NSFL1C: variants seen among roughly 807,000 people sequenced by gnomAD.
NSFL1C encodes NSFL1 cofactor, also known as NSFL1 cofactor p47.
In NSFL1C, 14 loss-of-function variants were observed where a neutral mutation model predicts 43.1. The ratio of observed to expected loss-of-function variants is 0.32; its 90% CI spans 0.21 to 0.51. The LOEUF is 0.51. Among genes scored for constraint, NSFL1C ranks in the 20% least tolerant of loss-of-function variants. The pLI, the probability that NSFL1C is intolerant of heterozygous loss-of-function variation, is 0.98. For synonymous variants in NSFL1C, 171 were observed against 183.5 expected (o/e 0.93, Z 0.55); for missense variants, 406 against 472.5 (o/e 0.86, Z 1.30).
intron 7 of NSFL1C, among the ~76,000 whole-genome samples, chr20:1,450,175 T>A (rs971262008): frequency 2.6e-5 from 4 of 152,146 alleles, no homozygotes; most frequent in Non-Finnish European, 5.9e-5. Flanking sequence ...CTGAGAAAAT[T>A]TTCAGGAAAA....
intron 7 of NSFL1C, among the ~76,000 whole-genome samples, chr20:1,446,685 AG>A (rs1263118489): frequency 6.6e-6 from 1 of 150,584 alleles, no homozygotes; most frequent in African/African-American, 2.4e-5. Flanking sequence ...AAATGCACAT[AG>A]GACTCCCAAT....
chr20:1,445,645 A>G (rs1330939728), intron 8 of NSFL1C, 21 bp downstream of exon 8: 2 of 1,611,332 alleles, frequency 1.2e-6, no homozygotes, highest in Non-Finnish European at 8.5e-7. Context: ...AGAATAAGCT[A>G]GGCCACACAA....
chr20:1,446,504 G>A (rs2090062700), intron 7 of NSFL1C, among the ~76,000 whole-genome samples: 2 of 152,168 alleles, frequency 1.3e-5, no homozygotes, highest in Admixed American at 6.5e-5. Context: ...CACAGTGTTA[G>A]ATTTCATATC....
At chr20:1,465,439 G>A (rs886750426) in intron 1 of NSFL1C, among the ~76,000 whole-genome samples, 1 of 152,238 alleles carries the variant, frequency 6.6e-6, no homozygotes, top group African/African-American at 2.4e-5. Flanking sequence ...AGGGGAACGA[G>A]ACAGAAGATC....
intron 8 of NSFL1C, among the ~76,000 whole-genome samples, chr20:1,444,660 CCTGCAGGATT>C (rs993822769): frequency 3.9e-5 from 6 of 152,214 alleles, no homozygotes; most frequent in Non-Finnish European, 4.4e-5. Flanking sequence ...AGGGCATGGA[CCTGCAGGATT>C]CTGCCTGTGA....
At chr20:1,450,027 A>G (rs996158008) in intron 7 of NSFL1C, among the ~76,000 whole-genome samples, 2 of 152,222 alleles carry the variant, frequency 1.3e-5, no homozygotes, top group African/African-American at 4.8e-5. Flanking sequence ...CCTTTTACTA[A>G]AACAACAAAA....
At chr20:1,461,590 G>C (rs551167268) in intron 2 of NSFL1C, among the ~76,000 whole-genome samples, 2 of 152,334 alleles carry the variant, frequency 1.3e-5, no homozygotes, top group Admixed American at 1.3e-4. Flanking sequence ...GGGTCCAAGG[G>C]TAAACTCTGG....
intron 3 of NSFL1C, chr20:1,455,823 C>A (rs760377720): frequency 1.3e-6 from 1 of 764,046 alleles, no homozygotes; most frequent in South Asian, 1.4e-5. Context: ...CAGGAGCTCC[C>A]CCAAGCCTCA....
In NSFL1C at chr20:1,465,952, AG is replaced by A. The variant is rs2090500821; in HGVS notation, c.105+767del. ...GTCAGAACAGCGCTTGGCTCATGGTAGGTACTCAATAAATATTAGTCATCAC... is the reference window on the plus strand; with the variant it reads ...GTCAGAACAGCGCTTGGCTCATGGTAGTACTCAATAAATATTAGTCATCAC... On this transcript the variant is annotated intron_variant, in intron 1 of 8. Transcript: ENST00000216879. Among the ~76,000 whole-genome samples the A allele has an allele frequency of 3.3e-5, 5 of 152,364 alleles. No individual in the cohort carries two copies. In the South Asian group the frequency reaches 1.0e-3, roughly 32 times the overall value.
intron 3 of NSFL1C, chr20:1,456,006 C>A: frequency 2.1e-6 from 1 of 466,472 alleles, no homozygotes; most frequent in African/African-American, 2.0e-5. Context: ...GGCCTGAAAA[C>A]CAGTTGTCAT....
Position 1,455,966 on chromosome 20 carries a change from G to C in NSFL1C, c.279-834C>G, listed in dbSNP as rs2090291411. 1.8e-5 allele frequency: 10 copies of C among 565,248 alleles called. No homozygotes were observed. The South Asian group carries it at 2.1e-4, about 12-fold the overall frequency. 35.0% of individuals were successfully genotyped at this position (565,248 alleles called of 1,614,324 possible). A position where few individuals can be genotyped will look rare whatever the true frequency, so the allele number is the denominator to read the frequency against. On this transcript the variant is annotated intron_variant, in intron 3 of 8. Transcript: ENST00000216879. ...CTTTGCAATAGGCCAGGCATGGCTT[G>C]AGATAATAAAGTTAGTACTTTTTTA...
intron 1 of NSFL1C, among the ~76,000 whole-genome samples, chr20:1,466,434 T>C (rs942506237): frequency 2.0e-5 from 3 of 152,080 alleles, no homozygotes; most frequent in Non-Finnish European, 4.4e-5. Context: ...CCCCAGGCGC[T>C]CCCTCTCCTC....
Position 1,443,908 on chromosome 20 carries a change from G to A in NSFL1C, c.954C>T (p.Ile318=), listed in dbSNP as rs1290110623. 1.2e-6 allele frequency: 2 copies of A among 1,609,792 alleles called. No individual in the cohort carries two copies. The highest frequency in any genetic ancestry group is 1.7e-6 in the Non-Finnish European group (2 of 1,179,440). The change falls in exon 9 of 9, where the codon ATC becomes ATT. Residue 318 remains isoleucine (I), a synonymous_variant. Transcript: ENST00000216879. ...LVQKFNHSHR[I]SDIRLFIVDA... ...CCACGATGAAGAGTCGGATGTCGCT[G>A]ATCCTGCAGGAGTTGGGGAAGCGGT...
Position 1,452,585 on chromosome 20 carries a change from C to T in NSFL1C, c.693G>A (p.Val231=). The T allele has an allele frequency of 1.2e-6, 2 of 1,614,196 alleles. No individual in the cohort carries two copies. The highest frequency in any genetic ancestry group is 1.7e-6 in the Non-Finnish European group (2 of 1,180,038). The change falls in exon 7 of 9, where the codon GTG becomes GTA. Residue 231 remains valine (V), a synonymous_variant. Coordinates refer to ENST00000216879, the MANE Select transcript of NSFL1C (RefSeq NM_016143.5). ...CCCGATGGTCCTCCATATCCAAGTT[C>T]ACCTGTCCACCGTGAGCTAGCCTCC... ...ELRRLAHGGQ[V]NLDMEDHRDE...
intron 2 of NSFL1C, 66 bp downstream of exon 2, chr20:1,464,263 G>A: frequency 7.0e-7 from 1 of 1,437,694 alleles, no homozygotes; most frequent in Non-Finnish European, 9.8e-7. Context: ...GAACGCTCTG[G>A]TCAGAAAATA....
At chr20:1,455,936 C>T (rs1364897004) in intron 3 of NSFL1C, 1 of 601,722 alleles carries the variant, frequency 1.7e-6, no homozygotes. Flanking sequence ...GACACCCACA[C>T]TGGGCTTTGC....
chr20:1,464,495 A>T, intron 1 of NSFL1C, 69 bp from the exon 2 acceptor site: 10 of 1,249,650 alleles, frequency 8.0e-6, no homozygotes, highest in South Asian at 1.2e-5. Flanking sequence ...TCCTTTGAGC[A>T]CAAAGGAATA....
chr20:1,449,747 T>A (rs75339623), intron 7 of NSFL1C, among the ~76,000 whole-genome samples: 7,543 of 152,226 alleles, frequency 0.05, 217 homozygotes, highest in Non-Finnish European at 0.063. Flanking sequence ...ACTCCTCCTA[T>A]CTTTACAGGG....
chr20:1,445,372 C>T (rs894594684), intron 8 of NSFL1C, among the ~76,000 whole-genome samples: 1 of 152,130 alleles, frequency 6.6e-6, no homozygotes, highest in African/African-American at 2.4e-5. Flanking sequence ...ATGGGACTTC[C>T]TCTGAAGTCT....
Sources: allele counts gnomAD v4.1 joint callset (sites outside exome capture counted in the v4.1 genomes callset), GRCh38; gene constraint gnomAD v4.1.1; transcripts MANE v1.5; gene names NCBI Gene and HGNC (gene_info 2026-07-23, HGNC 2026-07-21).